Variants in GALNT17 observed in about 807,000 individuals in gnomAD.
The protein encoded by GALNT17 is UDP-GalNAc:polypeptide N-acetylgalactosaminyltransferase-like 3.
In GALNT17, 29 loss-of-function variants were observed where a neutral mutation model predicts 63.7. That is an observed-to-expected ratio of 0.46 (90% CI 0.34 to 0.62). The LOEUF is 0.62. Among genes scored for constraint, GALNT17 ranks in the 20% least tolerant of loss-of-function variants. The pLI, the probability that GALNT17 is intolerant of heterozygous loss-of-function variation, is 0.01. For synonymous variants in GALNT17, 305 were observed against 318.3 expected (o/e 0.96, Z 0.45); for missense variants, 603 against 799.6 (o/e 0.75, Z 2.97).
chr7:71,134,840 T>G (rs1170666832), intron 1 of GALNT17, among the ~76,000 whole-genome samples: 2 of 55,580 alleles, frequency 3.6e-5, no homozygotes, highest in African/African-American at 1.6e-4. Context: ...TTATGGTTTT[T>G]TTTTTTTTTT....
chr7:71,460,041 T>G (rs1318053129), intron 5 of GALNT17, among the ~76,000 whole-genome samples: 1 of 152,214 alleles, frequency 6.6e-6, no homozygotes, highest in Non-Finnish European at 1.5e-5. Context: ...AGTTCTCTAA[T>G]GTATTTGAGT....
chr7:71,588,869 G>GA (rs560154751), intron 6 of GALNT17, among the ~76,000 whole-genome samples: 36 of 145,520 alleles, frequency 2.5e-4, no homozygotes, highest in African/African-American at 3.5e-4. Context: ...CCAGACATAA[G>GA]AAAAAAAAAA....
At chr7:71,225,026 G>A (rs1789655180) in intron 1 of GALNT17, among the ~76,000 whole-genome samples, 1 of 151,928 alleles carries the variant, frequency 6.6e-6, no homozygotes, top group Non-Finnish European at 1.5e-5. Flanking sequence ...CAGGCTGGAG[G>A]GGCTTGATCT....
chr7:71,631,440 T>C (rs1261307411), intron 6 of GALNT17, among the ~76,000 whole-genome samples: 1 of 152,140 alleles, frequency 6.6e-6, no homozygotes, highest in African/African-American at 2.4e-5. Flanking sequence ...TCATCCCTTA[T>C]TGGCCTCCCA....
chr7:71,300,988 A>G (rs1432546826), intron 1 of GALNT17: 1 of 152,284 alleles, frequency 6.6e-6, no homozygotes, highest in African/African-American at 2.4e-5. Flanking sequence ...ATGTATTTAT[A>G]TTTAAAGTAA....
At chr7:71,348,027 G>A (rs767280887) in intron 2 of GALNT17, among the ~76,000 whole-genome samples, 2 of 152,236 alleles carry the variant, frequency 1.3e-5, no homozygotes, top group South Asian at 2.1e-4. Context: ...TTGGGAGGCC[G>A]AGGTGGGTGG....
chr7:71,431,500 G>A (rs1157083374), intron 5 of GALNT17, among the ~76,000 whole-genome samples: 7 of 151,910 alleles, frequency 4.6e-5, no homozygotes, highest in African/African-American at 1.5e-4. Flanking sequence ...GGGAGCCACC[G>A]TACCTGGCCA....
At chr7:71,468,081 G>C (rs1212156385) in intron 5 of GALNT17, among the ~76,000 whole-genome samples, 1 of 152,130 alleles carries the variant, frequency 6.6e-6, no homozygotes. Context: ...AGGCTGGAGT[G>C]CAAAGGCGTG....
At chr7:71,439,549 T>C (rs1787028340) in intron 5 of GALNT17, among the ~76,000 whole-genome samples, 1 of 152,204 alleles carries the variant, frequency 6.6e-6, no homozygotes, top group South Asian at 2.1e-4. Flanking sequence ...TCAACCGACA[T>C]GCACTGTGAC....
chr7:71,550,382 G>T (rs1246189348), intron 5 of GALNT17, among the ~76,000 whole-genome samples: 2 of 151,396 alleles, frequency 1.3e-5, no homozygotes, highest in African/African-American at 2.4e-5. Flanking sequence ...TTTTGTGTGT[G>T]TTTTTTTTGT....
intron 1 of GALNT17, among the ~76,000 whole-genome samples, chr7:71,259,626 G>GTTTTTT (rs1230386882): frequency 7.3e-6 from 1 of 137,104 alleles, no homozygotes; most frequent in Admixed American, 7.0e-5. Context: ...TCTTGGTCCT[G>GTTTTTT]TTTTGTTTTT....
intron 5 of GALNT17, among the ~76,000 whole-genome samples, chr7:71,492,017 C>G (rs960623807): frequency 1.3e-5 from 2 of 152,072 alleles, no homozygotes; most frequent in South Asian, 2.1e-4. Flanking sequence ...CACAGTGGTT[C>G]ACACCTGTAA....
chr7:71,362,142 G>T (rs1792414162), intron 2 of GALNT17, among the ~76,000 whole-genome samples: 1 of 152,032 alleles, frequency 6.6e-6, no homozygotes, highest in African/African-American at 2.4e-5. Flanking sequence ...ATTTTTAGTA[G>T]AAACGGGGTT....
chr7:71,295,931 T>C (rs1341624948), intron 1 of GALNT17, among the ~76,000 whole-genome samples: 6 of 151,910 alleles, frequency 3.9e-5, no homozygotes, highest in South Asian at 2.1e-4. Flanking sequence ...TTTTTTTTTT[T>C]CCCAGCCTGT....
chr7:71,603,977 T>C (rs879315892), intron 6 of GALNT17, among the ~76,000 whole-genome samples: 12 of 121,866 alleles, frequency 9.8e-5, no homozygotes, highest in Middle Eastern at 4.6e-3. Context: ...TAAGTGCATA[T>C]ACCAGGTCCT....
intron 2 of GALNT17, among the ~76,000 whole-genome samples, chr7:71,341,275 T>C (rs549221100): frequency 6.6e-6 from 1 of 151,866 alleles, no homozygotes; most frequent in African/African-American, 2.4e-5. Context: ...AAAAAAGAAA[T>C]GAAAATTAGG....
intron 1 of GALNT17, among the ~76,000 whole-genome samples, chr7:71,194,971 G>A (rs956723360): frequency 2.6e-5 from 4 of 152,320 alleles, no homozygotes; most frequent in African/African-American, 9.6e-5. Context: ...TTGGATGTAA[G>A]TTGATGTAGA....
intron 1 of GALNT17, among the ~76,000 whole-genome samples, chr7:71,297,682 C>G (rs577813410): frequency 5.4e-4 from 82 of 152,256 alleles, no homozygotes; most frequent in Non-Finnish European, 8.7e-4. Context: ...TGGAAACAAC[C>G]CAGATTTCAA....
At chr7:71,654,690 TTTA>T (rs370264471) in intron 6 of GALNT17, among the ~76,000 whole-genome samples, 1 of 48,838 alleles carries the variant, frequency 2.0e-5, no homozygotes, top group Non-Finnish European at 7.2e-5. Context: ...TGGTGAAATC[TTTA>T]ACTTCAGGTA....
Sources: allele counts gnomAD v4.1 joint callset (sites outside exome capture counted in the v4.1 genomes callset), GRCh38; gene constraint gnomAD v4.1.1; transcripts MANE v1.5; gene names NCBI Gene and HGNC (gene_info 2026-07-23, HGNC 2026-07-21).